CDR2: variants seen among roughly 807,000 people sequenced by gnomAD.
CDR2 encodes the protein cerebellar degeneration related protein 2.
Under a neutral mutation model 48.4 loss-of-function variants are expected in CDR2, and 34 were observed. The observed-to-expected ratio is 0.70, with a 90% CI of 0.53 to 0.94. The LOEUF is 0.94. Ranked by LOEUF, CDR2 falls within the 40% of genes least tolerant of loss-of-function variation. CDR2 has a pLI of 0.00. For missense variants in CDR2, 498 were observed against 549.5 expected (o/e 0.91, Z 0.94); for synonymous variants, 240 against 219.7 (o/e 1.09, Z -0.82).
rs192270623 is a variant in CDR2, at chr16:22,368,257, T to C, written c.80-3243A>G. Among the ~76,000 whole-genome samples, 1,348 of 152,340 alleles carry C rather than the reference T, an allele frequency of 8.8e-3. 17 individuals carry two copies. Among genetic ancestry groups the C allele is most frequent in the African/African-American group, 0.03 (1,266 of 41,572 alleles). On this transcript the variant is annotated intron_variant, in intron 1 of 4. Transcript: ENST00000268383. Reference sequence around the variant, plus strand: ...AGTCTCTCACTCTTGTCACCCAGGCTGGAGGGCAGTGGTGCGATCTCGGCT... The same window carrying C: ...AGTCTCTCACTCTTGTCACCCAGGCCGGAGGGCAGTGGTGCGATCTCGGCT...
rs879175485 is a variant in CDR2 at position 22,346,867 on chromosome 16, A to T, written c.*98T>A. Reference sequence around the variant, plus strand: ...TAAGCAAAGCAATGAGGCAAACGTCATGAGTAACATTAGGCTTCAGAGTCT... The same window carrying T: ...TAAGCAAAGCAATGAGGCAAACGTCTTGAGTAACATTAGGCTTCAGAGTCT... On this transcript the variant is annotated 3_prime_UTR_variant, in exon 5 of 5. Coordinates refer to ENST00000268383, the MANE Select transcript of CDR2 (RefSeq NM_001802.2). 5.3e-6 allele frequency: 7 copies of T among 1,320,400 alleles called. No individual in the cohort carries two copies. Among genetic ancestry groups the T allele is most frequent in the South Asian group, 4.2e-5 (3 of 70,932 alleles). 81.8% of individuals were successfully genotyped at this position (1,320,400 alleles called of 1,614,324 possible).
At chr16:22,348,816 G>A (rs866546443) in intron 4 of CDR2, among the ~76,000 whole-genome samples, 2 of 152,194 alleles carry the variant, frequency 1.3e-5, no homozygotes, top group African/African-American at 2.4e-5. Flanking sequence ...CACAGGGGTA[G>A]AAACTATTTT....
chr16:22,350,637 CCT>C (rs1403330451), intron 2 of CDR2, among the ~76,000 whole-genome samples: 1 of 152,080 alleles, frequency 6.6e-6, no homozygotes, highest in African/African-American at 2.4e-5. Context: ...AATTAAACTC[CCT>C]GTCTTCATAA....
chr16:22,373,706 C>T (rs1029474680), intron 1 of CDR2, among the ~76,000 whole-genome samples: 8 of 152,242 alleles, frequency 5.3e-5, no homozygotes, highest in African/African-American at 1.9e-4. Context: ...TATACACCTA[C>T]CATGTACCCT....
intron 2 of CDR2, among the ~76,000 whole-genome samples, chr16:22,363,761 G>A (rs1351850065): frequency 6.6e-6 from 1 of 152,256 alleles, no homozygotes. Flanking sequence ...ATGGAGAAAG[G>A]TGTTCTGATG....
rs1233158669 is a variant in CDR2, at chr16:22,347,184, G to A, written c.1146C>T (p.Ser382=). ...DSLSHKAVQT[S]RAAAKDLTGV... ...CAGTCAGGTCCTTGGCTGCAGCCCTGGAGGTCTGCACAGCCTTGTGTGACA... is the reference window on the plus strand; with the variant it reads ...CAGTCAGGTCCTTGGCTGCAGCCCTAGAGGTCTGCACAGCCTTGTGTGACA... Residue 382 remains serine (S), a synonymous_variant, in exon 5 of 5, where the codon TCC becomes TCT. Coordinates refer to ENST00000268383, the MANE Select transcript of CDR2 (RefSeq NM_001802.2). 1 of 1,614,104 alleles carries A rather than the reference G, an allele frequency of 6.2e-7. No homozygotes were observed. The highest frequency in any genetic ancestry group is 8.5e-7 in the Non-Finnish European group (1 of 1,179,958).
intron 2 of CDR2, among the ~76,000 whole-genome samples, chr16:22,355,847 C>T (rs1299202307): frequency 6.6e-6 from 1 of 152,138 alleles, no homozygotes; most frequent in East Asian, 1.9e-4. Context: ...TCATTGAAAC[C>T]CTCATTCTCT....
chr16:22,365,360 G>C (rs996623132), intron 1 of CDR2, among the ~76,000 whole-genome samples: 1 of 152,022 alleles, frequency 6.6e-6, no homozygotes, highest in Non-Finnish European at 1.5e-5. Context: ...TTTTTGAATG[G>C]ACCCTTGAGC....
chr16:22,370,280 A>C (rs983000474), intron 1 of CDR2, among the ~76,000 whole-genome samples: 2 of 152,198 alleles, frequency 1.3e-5, no homozygotes, highest in Admixed American at 1.3e-4. Flanking sequence ...GGAAAGCAGA[A>C]AACCTGAATA....
rs781640077 is a variant in CDR2, at chr16:22,349,703, C to T, written c.339G>A (p.Leu113=). The change falls in exon 3 of 5, where the codon CTG becomes CTA. Residue 113 remains leucine (L), a splice_region_variant and synonymous_variant. Transcript: ENST00000268383. ...ADSKASQQKI[L]SLTETIECLQ... is the part of the protein sequence containing the mutation. ...TTGTCAGATTCTAGAAAATTTACCT[C>T]AGAATCTTTTGCTGTGAGGCCTTGC... 7.3e-5 allele frequency: 117 copies of T among 1,613,692 alleles called. No individual in the cohort carries two copies. The highest frequency in any genetic ancestry group is 9.2e-5 in the Non-Finnish European group (109 of 1,179,868).
chr16:22,358,783 G>A (rs2048993067), intron 2 of CDR2, among the ~76,000 whole-genome samples: 1 of 152,092 alleles, frequency 6.6e-6, no homozygotes, highest in African/African-American at 2.4e-5. Flanking sequence ...GGTGGCGGGA[G>A]GCATGAACAT....
intron 1 of CDR2, among the ~76,000 whole-genome samples, chr16:22,372,037 A>G (rs1450715224): frequency 6.6e-6 from 1 of 151,808 alleles, no homozygotes; most frequent in Admixed American, 6.6e-5. Flanking sequence ...CACCCACCTA[A>G]TTTTGTATTT....
At chr16:22,352,801 G>C (rs1057503224) in intron 2 of CDR2, among the ~76,000 whole-genome samples, 1 of 152,150 alleles carries the variant, frequency 6.6e-6, no homozygotes, top group Admixed American at 6.6e-5. Flanking sequence ...CACATGGCAC[G>C]GTCTATAAAA....
chr16:22,346,898 C>A lies in CDR2; in HGVS notation c.*67G>T. On this transcript the variant is annotated 3_prime_UTR_variant, in exon 5 of 5. Coordinates refer to ENST00000268383, the MANE Select transcript of CDR2 (RefSeq NM_001802.2). The stretch of plus-strand genomic sequence containing the variant: ...AACATTAGGCTTCAGAGTCTACAAA[C>A]ACTTGTCTGAATGGGAGAGAGAGGC... The A allele has an allele frequency of 6.6e-7, 1 of 1,515,760 alleles. No homozygotes were observed. Among genetic ancestry groups the A allele is most frequent in the Non-Finnish European group, 9.0e-7 (1 of 1,111,844 alleles). 93.9% of individuals were successfully genotyped at this position (1,515,760 alleles called of 1,614,324 possible).
intron 2 of CDR2, among the ~76,000 whole-genome samples, chr16:22,363,760 G>C: frequency 6.6e-6 from 1 of 152,140 alleles, no homozygotes; most frequent in East Asian, 1.9e-4. Context: ...CATGGAGAAA[G>C]GTGTTCTGAT....
intron 1 of CDR2, chr16:22,368,904 CCT>C (rs762080760): frequency 2.6e-5 from 4 of 152,098 alleles, no homozygotes; most frequent in Non-Finnish European, 5.9e-5. Flanking sequence ...AAGTTAATAC[CCT>C]GTTTTCACCA....
intron 1 of CDR2, among the ~76,000 whole-genome samples, chr16:22,371,766 G>A (rs757080873): frequency 1.3e-5 from 2 of 152,134 alleles, no homozygotes; most frequent in Non-Finnish European, 2.9e-5. Context: ...ATGACACAGA[G>A]GGTTAAGTCA....
In CDR2 at chr16:22,349,952, G is replaced by A. The variant is rs780761543; in HGVS notation, c.193-103C>T. 5.8e-6 allele frequency: 6 copies of A among 1,028,370 alleles called. No individual in the cohort carries two copies. In the Admixed American group the frequency reaches 6.1e-5, roughly 10 times the overall value. 63.7% of individuals were successfully genotyped at this position (1,028,370 alleles called of 1,614,324 possible). On this transcript the variant is annotated intron_variant, in intron 2 of 4. Coordinates refer to ENST00000268383, the MANE Select transcript of CDR2 (RefSeq NM_001802.2). ...GCCTGTAATCCCAGCACTTTGGGAG[G>A]CCAAGACGTGTGGATCACCTGAGGT...
chr16:22,357,866 C>A (rs944818768), intron 2 of CDR2, among the ~76,000 whole-genome samples: 1 of 152,150 alleles, frequency 6.6e-6, no homozygotes, highest in Non-Finnish European at 1.5e-5. Context: ...CATAATGAAA[C>A]CATTTAAGAA....
Sources: gnomAD v4.1 joint callset for allele counts (sites outside exome capture counted in the v4.1 genomes callset) on GRCh38, gnomAD v4.1.1 for gene constraint, MANE v1.5 for transcripts, NCBI Gene and HGNC (gene_info 2026-07-23, HGNC 2026-07-21) for gene names.